Variants in MOB3A observed in about 807,000 individuals in gnomAD.
MOB3A encodes MOB kinase activator 3A, also known as MOB LAK.
MOB3A carries 17 observed loss-of-function variants against 17.8 expected under a neutral mutation model. The observed-to-expected ratio is 0.95, with a 90% CI of 0.65 to 1.43. The LOEUF (loss-of-function observed/expected upper bound fraction) is 1.43. Among genes scored for constraint, MOB3A ranks in the 40% most tolerant of loss-of-function variants. The probability of loss-of-function intolerance (pLI) is 0.00; values close to 1 mark genes in which losing one functional copy is unlikely to be tolerated. For synonymous variants in MOB3A, 124 were observed against 133.2 expected (o/e 0.93, Z 0.48); for missense variants, 333 against 310.8 (o/e 1.07, Z -0.54).
intron 3 of MOB3A, among the ~76,000 whole-genome samples, chr19:2,077,317 G>T (rs570324620): frequency 6.6e-6 from 1 of 152,036 alleles, no homozygotes; most frequent in South Asian, 2.1e-4. Flanking sequence ...CAGAAGAATC[G>T]CTTGAACCTG....
intron 1 of MOB3A, among the ~76,000 whole-genome samples, chr19:2,091,078 G>C (rs2017608888): frequency 6.6e-6 from 1 of 152,238 alleles, no homozygotes; most frequent in Non-Finnish European, 1.5e-5. Context: ...AAAAGGGAGG[G>C]AAACCTCCGT....
intron 2 of MOB3A, among the ~76,000 whole-genome samples, chr19:2,080,559 G>C (rs999334727): frequency 6.6e-6 from 1 of 152,068 alleles, no homozygotes; most frequent in African/African-American, 2.4e-5. Flanking sequence ...TGTATTTTTA[G>C]TAGAGACGGG....
At chr19:2,092,518 T>C (rs1350762124) in intron 1 of MOB3A, among the ~76,000 whole-genome samples, 2 of 152,084 alleles carry the variant, frequency 1.3e-5, no homozygotes, top group African/African-American at 4.8e-5. Context: ...GGCTTACGCC[T>C]GTAATCCCAG....
intron 1 of MOB3A, among the ~76,000 whole-genome samples, chr19:2,094,329 G>A (rs2017646037): frequency 1.3e-5 from 2 of 152,104 alleles, no homozygotes; most frequent in Non-Finnish European, 2.9e-5. Flanking sequence ...TCACAGGCAC[G>A]AACGACTGCG....
rs1471390951 is a variant in MOB3A at position 2,071,510 on chromosome 19, G to C, written c.*1885C>G. 1 of 152,376 alleles carries C rather than the reference G, an allele frequency of 6.6e-6. No individual in the cohort carries two copies. The highest frequency in any genetic ancestry group is 1.5e-5 in the Non-Finnish European group (1 of 68,124). 9.4% of individuals were successfully genotyped at this position (152,376 alleles called of 1,614,324 possible). A position where few individuals can be genotyped will look rare whatever the true frequency, so the allele number is the denominator to read the frequency against. ...CGCCCAGAGGTGACCAGACTTCTGT[G>C]TGGTCTGGGACAGTGCAGGGCTCAG... On this transcript the variant is annotated 3_prime_UTR_variant, in exon 5 of 5. Coordinates refer to ENST00000357066, the MANE Select transcript of MOB3A (RefSeq NM_130807.3).
intron 1 of MOB3A, among the ~76,000 whole-genome samples, chr19:2,087,591 G>A (rs909307763): frequency 3.3e-5 from 5 of 152,200 alleles, no homozygotes; most frequent in African/African-American, 1.2e-4. Context: ...GGAGATCAAG[G>A]CTGCAGTGAG....
chr19:2,086,594 G>A (rs1478225699), intron 1 of MOB3A, among the ~76,000 whole-genome samples: 1 of 151,892 alleles, frequency 6.6e-6, no homozygotes, highest in Admixed American at 6.6e-5. Flanking sequence ...CTGACCTCAG[G>A]TGATCTGCCC....
At position 2,072,267 on chromosome 19, in the gene MOB3A, C is replaced by G. The variant is rs998745167; in HGVS notation, c.*1128G>C. ...ACCAGCCTGGCCAACATGGTGAAAT[C>G]TTGTCTCTACTAAAACTACAATAAT... On this transcript the variant is annotated 3_prime_UTR_variant, in exon 5 of 5. Transcript: ENST00000357066. 2.0e-5 allele frequency: 3 copies of G among 152,054 alleles called. No individual in the cohort carries two copies. The highest frequency in any genetic ancestry group is 7.3e-5 in the African/African-American group (3 of 41,374). The allele number at this position is 152,054 out of a possible 1,614,324, so 9.4% of individuals were successfully genotyped here. A position where few individuals can be genotyped will look rare whatever the true frequency, so the allele number is the denominator to read the frequency against.
Position 2,078,296 on chromosome 19 carries a change from G to C in MOB3A, c.265C>G (p.Pro89Ala), listed in dbSNP as rs755734519. The C allele has an allele frequency of 2.2e-5, 36 of 1,614,150 alleles. No homozygotes were observed. The South Asian group carries it at 3.8e-4, about 17-fold the overall frequency. ...ISDGCTEQSC[P>A]VMSGGPKYEY... is the part of the protein sequence containing the mutation. ...TACTTGGGGCCCCCCGACATGACGG[G>C]GCAGGACTGCTCCGTGCAGCCGTCG... is the stretch of plus-strand genomic sequence containing the variant. The change falls in exon 3 of 5, where the codon CCC (proline) becomes GCC (alanine). Residue 89 changes from proline to alanine, a missense_variant. By Grantham distance (27) the Pro-to-Ala change is conservative (BLOSUM62 -1). Transcript: ENST00000357066.
intron 1 of MOB3A, 114 bp from the exon 2 acceptor site, chr19:2,085,442 C>A (rs1203340377): frequency 1.3e-5 from 2 of 151,750 alleles, no homozygotes; most frequent in African/African-American, 4.9e-5. Flanking sequence ...CCTCCCCCAC[C>A]GAGGTGTAGC....
intron 2 of MOB3A, among the ~76,000 whole-genome samples, chr19:2,081,067 G>A (rs1161373722): frequency 1.3e-5 from 2 of 152,080 alleles, no homozygotes; most frequent in Non-Finnish European, 2.9e-5. Context: ...GGGAGTTCGA[G>A]GCTGCAGTGA....
rs533978461 is a variant in MOB3A, at chr19:2,077,147, T to A, written c.422-134A>T. The A allele has an allele frequency of 6.9e-4, 503 of 725,844 alleles. 6 individuals are homozygous for A. In the South Asian group the frequency reaches 8.3e-3, roughly 12 times the overall value. 45.0% of individuals were successfully genotyped at this position (725,844 alleles called of 1,614,324 possible). On this transcript the variant is annotated intron_variant, in intron 3 of 4. Transcript: ENST00000357066. ...CGGGCGCGGTGGCTGACGCCTGTAATCCCAGCACTTTGGGAGGCCGAGGCA... is the reference window on the plus strand; with the variant it reads ...CGGGCGCGGTGGCTGACGCCTGTAAACCCAGCACTTTGGGAGGCCGAGGCA...
At chr19:2,076,219 G>A (rs1273831795) in intron 4 of MOB3A, among the ~76,000 whole-genome samples, 1 of 151,294 alleles carries the variant, frequency 6.6e-6, no homozygotes, top group Non-Finnish European at 1.5e-5. Context: ...ACATGGTCAG[G>A]AGATCCATCG....
At chr19:2,090,884 G>C (rs192751828) in intron 1 of MOB3A, among the ~76,000 whole-genome samples, 2 of 152,152 alleles carry the variant, frequency 1.3e-5, no homozygotes, top group Admixed American at 6.5e-5. Flanking sequence ...GGATGGTCTC[G>C]ATCTCCTGAC....
intron 1 of MOB3A, among the ~76,000 whole-genome samples, chr19:2,092,440 G>A (rs2017624612): frequency 6.6e-6 from 1 of 152,032 alleles, no homozygotes; most frequent in Non-Finnish European, 1.5e-5. Context: ...ACTTTTCCCA[G>A]TCTGGGTATA....
In MOB3A at chr19:2,072,944, T is replaced by G; in HGVS notation, c.*451A>C. The G allele has an allele frequency of 5.9e-6, 1 of 169,026 alleles. No individual in the cohort carries two copies. Among genetic ancestry groups the G allele is most frequent in the Non-Finnish European group, 1.3e-5 (1 of 78,758 alleles). The allele number at this position is 169,026 out of a possible 1,614,324, so 10.5% of individuals were successfully genotyped here. On this transcript the variant is annotated 3_prime_UTR_variant, in exon 5 of 5. Transcript: ENST00000357066. ...CCTCTTGCCTCCCCAACGGGAGACATGTAGGAGGCCGAGCAAGCTGGGTGC... is the reference window on the plus strand; with the variant it reads ...CCTCTTGCCTCCCCAACGGGAGACAGGTAGGAGGCCGAGCAAGCTGGGTGC...
rs528737916 is a variant in MOB3A, at chr19:2,071,645, T to C, written c.*1750A>G. 3 of 152,350 alleles carry C rather than the reference T, an allele frequency of 2.0e-5. No homozygotes were observed. The East Asian group carries it at 5.8e-4, about 29-fold the overall frequency. The allele number at this position is 152,350 out of a possible 1,614,324, so 9.4% of individuals were successfully genotyped here. A position where few individuals can be genotyped will look rare whatever the true frequency, so the allele number is the denominator to read the frequency against. On this transcript the variant is annotated 3_prime_UTR_variant, in exon 5 of 5. Coordinates refer to ENST00000357066, the MANE Select transcript of MOB3A (RefSeq NM_130807.3). ...GCTGCCTTTTCTCAGGGCCCTGCTC[T>C]CACCTTCCAAAGGTCTAGGGTACAC...
intron 4 of MOB3A, among the ~76,000 whole-genome samples, chr19:2,076,210 C>G (rs1418897446): frequency 1.3e-5 from 2 of 150,862 alleles, no homozygotes; most frequent in East Asian, 3.9e-4. Context: ...GGGCAAACCA[C>G]ATGGTCAGGA....
chr19:2,074,963 C>T (rs959131925), intron 4 of MOB3A, among the ~76,000 whole-genome samples: 11 of 151,872 alleles, frequency 7.2e-5, no homozygotes, highest in East Asian at 1.9e-4. Flanking sequence ...ATGAGCTGCC[C>T]GTCTTGGCAT....
Sources: allele counts gnomAD v4.1 joint callset (sites outside exome capture counted in the v4.1 genomes callset), GRCh38; gene constraint gnomAD v4.1.1; transcripts MANE v1.5; gene names NCBI Gene and HGNC (gene_info 2026-07-23, HGNC 2026-07-21).